Variants in SLC12A7 observed in about 807,000 individuals in gnomAD.
SLC12A7 encodes the protein K-Cl cotransporter 4.
Under a neutral mutation model 120.6 loss-of-function variants are expected in SLC12A7, and 100 were observed. The observed-to-expected ratio is 0.83, with a 90% CI of 0.71 to 0.98. SLC12A7 has a LOEUF of 0.98. SLC12A7 is among the 50% of genes least tolerant of loss of function. The probability of loss-of-function intolerance (pLI) is 0.00; values close to 1 mark genes in which losing one functional copy is unlikely to be tolerated. For synonymous variants in SLC12A7, 760 were observed against 678.0 expected (o/e 1.12, Z -1.88); for missense variants, 1,373 against 1,548.1 (o/e 0.89, Z 1.90).
chr5:1,119,394 G>C, the SLC12A7 span, among the ~76,000 whole-genome samples: 336 of 152,334 alleles, frequency 2.2e-3, 1 homozygote, highest in Non-Finnish European at 2.3e-3. Context: ...GCAGTACCCA[G>C]ACACCCGCTA....
chr5:1,140,381 C>T, the SLC12A7 span, among the ~76,000 whole-genome samples: 1 of 152,224 alleles, frequency 6.6e-6, no homozygotes, highest in Non-Finnish European at 1.5e-5. Context: ...CCATCTCCCT[C>T]GGTTCTGTTC....
chr5:1,098,041 G>A (rs534505524), intron 1 of SLC12A7, among the ~76,000 whole-genome samples: 34 of 151,892 alleles, frequency 2.2e-4, no homozygotes, highest in Non-Finnish European at 3.2e-4. Flanking sequence ...GAGACCCTTC[G>A]TTAAAAATCC....
At chr5:1,085,904 G>A (rs1479278353) in intron 6 of SLC12A7, among the ~76,000 whole-genome samples, 2 of 152,254 alleles carry the variant, frequency 1.3e-5, no homozygotes, top group Admixed American at 6.5e-5. Context: ...CCGGCTGGAC[G>A]TCCTGGACAC....
intron 4 of SLC12A7, 47 bp downstream of exon 4, chr5:1,088,935 C>G (rs1314181221): frequency 1.9e-6 from 3 of 1,609,064 alleles, no homozygotes; most frequent in Non-Finnish European, 1.7e-6. Context: ...TACTGTCCAG[C>G]TGCCACCGCC....
chr5:1,076,352 A>C, intron 13 of SLC12A7, 116 bp from the exon 14 acceptor site: 1 of 652,302 alleles, frequency 1.5e-6, no homozygotes, highest in Non-Finnish European at 2.4e-6. Flanking sequence ...TTGTCTCCCC[A>C]TGTCTGTCTC....
intron 8 of SLC12A7, among the ~76,000 whole-genome samples, chr5:1,082,736 T>C (rs1232706891): frequency 6.8e-6 from 1 of 146,878 alleles, no homozygotes; most frequent in African/African-American, 2.5e-5. Flanking sequence ...GGGCTTCCCA[T>C]CTCAGGTTCT....
In SLC12A7 at chr5:1,057,660, C is replaced by G. The variant is rs773611420; in HGVS notation, c.2848-11G>C. 3 of 1,588,630 alleles carry G rather than the reference C, an allele frequency of 1.9e-6. No individual in the cohort carries two copies. The highest frequency in any genetic ancestry group is 1.1e-5 in the South Asian group (1 of 89,424). On this transcript the variant is annotated splice_polypyrimidine_tract_variant and intron_variant, in intron 21 of 23. Transcript: ENST00000264930. ...GTGGATCAGCTGGGCCTGGCGGGCC[C>G]GGGACTTGGTGAGACCAGCCGGTCT...
chr5:1,093,698 G>A lies in SLC12A7; in HGVS notation c.220-43C>T, dbSNP rs376106380. The A allele has an allele frequency of 6.8e-5, 109 of 1,605,422 alleles. No homozygotes were observed. The African/African-American group carries it at 1.2e-3, about 17-fold the overall frequency. ...GGTCACAGGCGGCCCGCACCTCGCC[G>A]TGGGCCCCCCGACCTCCCTCCCCGT... is the stretch of plus-strand genomic sequence containing the variant. On this transcript the variant is annotated intron_variant, in intron 2 of 23. Transcript: ENST00000264930.
intron 17 of SLC12A7, 63 bp from the exon 18 acceptor site, chr5:1,065,541 A>AC: frequency 7.1e-7 from 1 of 1,406,096 alleles, no homozygotes; most frequent in Non-Finnish European, 9.6e-7. Flanking sequence ...CACGCCCACC[A>AC]CCCACGGTGG....
At chr5:1,052,804 C>A (rs940271558) in intron 23 of SLC12A7, among the ~76,000 whole-genome samples, 1 of 152,212 alleles carries the variant, frequency 6.6e-6, no homozygotes, top group Non-Finnish European at 1.5e-5. Flanking sequence ...CCGATCAGGA[C>A]GCATGGAGGA....
chr5:1,078,614 G>A, intron 11 of SLC12A7, 87 bp downstream of exon 11: 1 of 1,095,650 alleles, frequency 9.1e-7, no homozygotes, highest in Non-Finnish European at 1.4e-6. Context: ...GAAGTCCTAG[G>A]GCGATGTAAT....
intron 18 of SLC12A7, 141 bp downstream of exon 18, chr5:1,065,142 A>AGGGGACAGT: frequency 3.0e-6 from 2 of 671,762 alleles, no homozygotes; most frequent in Non-Finnish European, 4.7e-6. Context: ...GGGGACACCA[A>AGGGGACAGT]GGGGACAGTG....
chr5:1,151,534 G>C, the SLC12A7 span, among the ~76,000 whole-genome samples: 8 of 152,294 alleles, frequency 5.3e-5, no homozygotes, highest in African/African-American at 1.9e-4. The surrounding 1 kb of genome is among the most constrained non-coding windows in gnomAD (Gnocchi z 6.2). Flanking sequence ...AACAACAGCT[G>C]CAGGGAACAA....
intron 15 of SLC12A7, 77 bp downstream of exon 15, chr5:1,075,294 G>C: frequency 6.5e-7 from 1 of 1,545,960 alleles, no homozygotes; most frequent in South Asian, 1.2e-5. Flanking sequence ...CCCCTCCAGG[G>C]AGCTGCCCCA....
rs569901144 is a variant in SLC12A7 at position 1,088,123 on chromosome 5, A to G, written c.544+183T>C. ...CGCAGCAAAATGGGGAAGAAAACCA[A>G]ACAGCCGTGACCTCACGGCTCAAAC... On this transcript the variant is annotated intron_variant, in intron 5 of 23. Coordinates refer to ENST00000264930, the MANE Select transcript of SLC12A7 (RefSeq NM_006598.3). 2.0e-5 allele frequency among the ~76,000 whole-genome samples: 3 copies of G among 152,284 alleles called. No homozygotes were observed. The South Asian group carries it at 6.2e-4, about 32-fold the overall frequency.
intron 11 of SLC12A7, 72 bp downstream of exon 11, chr5:1,078,629 A>T: frequency 7.8e-7 from 1 of 1,290,132 alleles, no homozygotes; most frequent in Non-Finnish European, 1.1e-6. Flanking sequence ...TGTAATTTCA[A>T]AGCCGAATTC....
Position 1,054,207 on chromosome 5 carries a change from G to A in SLC12A7, c.3027-725C>T, listed in dbSNP as rs560303126. On this transcript the variant is annotated intron_variant, in intron 22 of 23. Coordinates refer to ENST00000264930, the MANE Select transcript of SLC12A7 (RefSeq NM_006598.3). ...GGACAAGCACTTCCACCGTGTGGCCGTCCAGCCCCCGCCTTCCGTCCTCAC... is the reference window on the plus strand; with the variant it reads ...GGACAAGCACTTCCACCGTGTGGCCATCCAGCCCCCGCCTTCCGTCCTCAC... Among the ~76,000 whole-genome samples the A allele has an allele frequency of 2.7e-3, 406 of 152,334 alleles. 2 individuals are homozygous for A. The highest frequency in any genetic ancestry group is 8.5e-3 in the African/African-American group (352 of 41,574).
chr5:1,080,874 G>C (rs1040165629), intron 9 of SLC12A7, among the ~76,000 whole-genome samples: 9 of 152,244 alleles, frequency 5.9e-5, no homozygotes, highest in African/African-American at 1.9e-4. Flanking sequence ...GGCTGCCTGG[G>C]AGAGCAGCAG....
intron 15 of SLC12A7, 125 bp downstream of exon 15, chr5:1,075,246 C>A: frequency 7.4e-7 from 1 of 1,352,858 alleles, no homozygotes; most frequent in South Asian, 1.5e-5. Context: ...CTCCCAGCTG[C>A]CCCTGTGAGG....
Sources: allele counts gnomAD v4.1 joint callset (sites outside exome capture counted in the v4.1 genomes callset), GRCh38; gene constraint gnomAD v4.1.1; non-coding constraint Gnocchi (gnomAD v3.1); transcripts MANE v1.5; gene names NCBI Gene and HGNC (gene_info 2026-07-23, HGNC 2026-07-21).